The following ATAD3C variants were observed in gnomAD, a reference collection of about 807,000 sequenced individuals.
The protein encoded by ATAD3C is ATPase family AAA domain containing 3C.
ATAD3C carries 38 observed loss-of-function variants against 46.3 expected under a neutral mutation model. The observed-to-expected ratio is 0.82, with a 90% CI of 0.63 to 1.08. The LOEUF (loss-of-function observed/expected upper bound fraction) is 1.08, where lower values mean the gene tolerates loss of function less well. ATAD3C is among the 50% of genes least tolerant of loss of function. The probability of loss-of-function intolerance (pLI) is 0.00; values close to 1 mark genes in which losing one functional copy is unlikely to be tolerated. For missense variants in ATAD3C, 563 were observed against 572.7 expected (o/e 0.98, Z 0.17); for synonymous variants, 220 against 236.4 (o/e 0.93, Z 0.63).
intron 2 of ATAD3C, 62 bp from the exon 3 acceptor site, chr1:1,452,303 G>C: frequency 6.2e-7 from 1 of 1,611,932 alleles, no homozygotes; most frequent in South Asian, 1.1e-5. Flanking sequence ...CCCTCAACCT[G>C]TTCTTGCTAC....
chr1:1,469,444 T>C lies in ATAD3C; in HGVS notation c.*914T>C, dbSNP rs1639204716. 1 of 143,958 alleles carries C rather than the reference T, an allele frequency of 6.9e-6. No homozygotes were observed. Among genetic ancestry groups the C allele is most frequent in the South Asian group, 2.2e-4 (1 of 4,532 alleles). 8.9% of individuals were successfully genotyped at this position (143,958 alleles called of 1,614,324 possible). On this transcript the variant is annotated 3_prime_UTR_variant, in exon 12 of 12. Transcript: ENST00000378785. ...TCCAGCCTGGATGATAGAGTGAGAC[T>C]GTACCTCTAAATAACCAAAACCTTG...
In ATAD3C at chr1:1,462,548, G is replaced by T; in HGVS notation, c.981-52G>T. 1 of 1,507,264 alleles carries T rather than the reference G, an allele frequency of 6.6e-7. No homozygotes were observed. The highest frequency in any genetic ancestry group is 9.0e-7 in the Non-Finnish European group (1 of 1,105,090). 93.4% of individuals were successfully genotyped at this position (1,507,264 alleles called of 1,614,324 possible). ...CTGCCTGTCTTCCGGCCTCCACCTC[G>T]TGGTGTGGGAGCTGCTGCCTTGGCC... On this transcript the variant is annotated intron_variant, in intron 10 of 11. Transcript: ENST00000378785. The surrounding 1 kb of genome is among the most constrained non-coding windows in gnomAD (Gnocchi z 4.5).
Position 1,460,803 on chromosome 1 carries a change from A to G in ATAD3C, c.866A>G (p.Asn289Ser). 6.2e-7 allele frequency: 1 copy of G among 1,612,816 alleles called. No individual in the cohort carries two copies. Among genetic ancestry groups the G allele is most frequent in the South Asian group, 1.1e-5 (1 of 90,888 alleles). ...CCCGAGCAGTTCGACTGGGCCATCA[A>G]TGCCTGCATCGACGTGATGGTCCAC... ...CHPEQFDWAINACIDVMVHFD... is the reference protein window; with the variant it reads ...CHPEQFDWAISACIDVMVHFD... The change falls in exon 10 of 12, where the codon AAT becomes AGT. Residue 289 changes from asparagine to serine, a missense_variant. Coordinates refer to ENST00000378785, the MANE Select transcript of ATAD3C (RefSeq NM_001039211.3).
intron 5 of ATAD3C, 131 bp downstream of exon 5, chr1:1,455,650 G>T: frequency 6.4e-7 from 1 of 1,560,902 alleles, no homozygotes; most frequent in Non-Finnish European, 8.7e-7. Context: ...TGCTTGGACC[G>T]TGCCGGGGAT....
rs147278490 is a variant in ATAD3C, at chr1:1,458,571, C to T, written c.742-590C>T. ...CTAGGATTACAGGCGTGAGCCACCGCGCCAGGCCCCAGCTAACTTTTTTGT... is the reference window on the plus strand; with the variant it reads ...CTAGGATTACAGGCGTGAGCCACCGTGCCAGGCCCCAGCTAACTTTTTTGT... On this transcript the variant is annotated intron_variant, in intron 8 of 11. Transcript: ENST00000378785. Among the ~76,000 whole-genome samples, 292 of 151,952 alleles carry T rather than the reference C, an allele frequency of 1.9e-3. 5 individuals carry two copies. The highest frequency in any genetic ancestry group is 4.0e-4 in the Non-Finnish European group (27 of 67,908).
rs111356400 is a variant in ATAD3C, at chr1:1,462,302, A to G, written c.981-298A>G. 0.047 allele frequency among the ~76,000 whole-genome samples: 7,173 copies of G among 152,074 alleles called. 326 individuals carry two copies. The highest frequency in any genetic ancestry group is 0.08 in the Non-Finnish European group (5,416 of 67,932). ...GCCTCCAGGCAGAAGCTTTTTTGCT[A>G]GAACTCAGGGCTCTGCCACTGCCAG... On this transcript the variant is annotated intron_variant, in intron 10 of 11. Coordinates refer to ENST00000378785, the MANE Select transcript of ATAD3C (RefSeq NM_001039211.3). This position sits in a 1 kb window ranked among gnomAD's most constrained non-coding sequence, Gnocchi z 4.5.
At chr1:1,453,728 C>A (rs1638902845) in intron 3 of ATAD3C, among the ~76,000 whole-genome samples, 1 of 151,532 alleles carries the variant, frequency 6.6e-6, no homozygotes, top group Non-Finnish European at 1.5e-5. Flanking sequence ...CAACCTCCGA[C>A]TCGCGGGTTC....
Position 1,450,336 on chromosome 1 carries a change from AAAAAAG to A in ATAD3C, c.-347_-342del, listed in dbSNP as rs1390619431. On this transcript the variant is annotated 5_prime_UTR_variant, in exon 1 of 12. Transcript: ENST00000378785. Reference sequence around the variant, plus strand: ...AGACTCCGTCTCAAAAAAAAAAAAAAAAAAAGCATGTGTAACGTGAAAAAATGGACA... The same window carrying A: ...AGACTCCGTCTCAAAAAAAAAAAAAACATGTGTAACGTGAAAAAATGGACA... The A allele has an allele frequency of 9.7e-5, 23 of 237,114 alleles. No individual in the cohort carries two copies. The Admixed American group carries it at 1.1e-3, about 12-fold the overall frequency. 14.7% of individuals were successfully genotyped at this position (237,114 alleles called of 1,614,324 possible). A position where few individuals can be genotyped will look rare whatever the true frequency, so the allele number is the denominator to read the frequency against.
rs377159075 is a variant in ATAD3C, at chr1:1,455,785, C to T, written c.439-6C>T. ...GTGTCCTCCAAGCCCCTGTCTTCCTCGGCAGCCCAGCCTGGAAGCACGGGT... is the reference window on the plus strand; with the variant it reads ...GTGTCCTCCAAGCCCCTGTCTTCCTTGGCAGCCCAGCCTGGAAGCACGGGT... On this transcript the variant is annotated splice_polypyrimidine_tract_variant and splice_region_variant and intron_variant, in intron 5 of 11. Transcript: ENST00000378785. The T allele has an allele frequency of 2.0e-4, 317 of 1,613,182 alleles. 2 individuals carry two copies. The African/African-American group carries it at 2.1e-3, about 11-fold the overall frequency.
At chr1:1,452,553 G>A (rs1638881554) in intron 3 of ATAD3C, 119 bp downstream of exon 3, 21 of 1,523,810 alleles carry the variant, frequency 1.4e-5, no homozygotes, top group Non-Finnish European at 1.9e-5. Flanking sequence ...CTCCCAGCAT[G>A]GAACAAGCCC....
At chr1:1,466,932 G>A (rs1639154364) in intron 11 of ATAD3C, among the ~76,000 whole-genome samples, 2 of 152,018 alleles carry the variant, frequency 1.3e-5, no homozygotes, top group South Asian at 4.2e-4. Context: ...GAGTGGTACT[G>A]ATTCTTCTTA....
Position 1,450,458 on chromosome 1 carries a change from A to G in ATAD3C, c.-226A>G, listed in dbSNP as rs1003714397. 1 of 587,596 alleles carries G rather than the reference A, an allele frequency of 1.7e-6. No homozygotes were observed. Among genetic ancestry groups the G allele is most frequent in the Non-Finnish European group, 3.0e-6 (1 of 328,420 alleles). The allele number at this position is 587,596 out of a possible 1,614,324, so 36.4% of individuals were successfully genotyped here. On this transcript the variant is annotated 5_prime_UTR_variant, in exon 1 of 12. Coordinates refer to ENST00000378785, the MANE Select transcript of ATAD3C (RefSeq NM_001039211.3). ...CTTCCTGATGTGGCTCTCCAAGACC[A>G]TCCCTGGAGGGCATAAAACCTCACA... is the stretch of plus-strand genomic sequence containing the variant.
intron 11 of ATAD3C, among the ~76,000 whole-genome samples, chr1:1,463,416 G>T (rs1156239390): frequency 6.6e-6 from 1 of 152,140 alleles, no homozygotes; most frequent in Non-Finnish European, 1.5e-5. Context: ...AGCACATTAT[G>T]TGTGACAGCT....
chr1:1,458,189 C>G (rs1020553521), intron 8 of ATAD3C, among the ~76,000 whole-genome samples: 1 of 151,770 alleles, frequency 6.6e-6, no homozygotes, highest in Non-Finnish European at 1.5e-5. Context: ...CCATGTTGGT[C>G]AGGCTGGTTG....
chr1:1,456,822 C>T (rs1638968422), intron 7 of ATAD3C, among the ~76,000 whole-genome samples: 1 of 151,576 alleles, frequency 6.6e-6, no homozygotes, highest in African/African-American at 2.4e-5. Context: ...CTCGTTGGAA[C>T]CACGATGCTC....
chr1:1,468,790 C>T lies in ATAD3C; in HGVS notation c.*260C>T, dbSNP rs891722192. The T allele has an allele frequency of 2.0e-5, 12 of 610,574 alleles. No individual in the cohort carries two copies. Among genetic ancestry groups the T allele is most frequent in the Middle Eastern group, 9.9e-4 (2 of 2,018 alleles). 37.8% of individuals were successfully genotyped at this position (610,574 alleles called of 1,614,324 possible). ...TGGGCTTCACAGGAGGTGGCTGCCA[C>T]GGCGGGGCCGGGTGCCCGTGCCCCA... On this transcript the variant is annotated 3_prime_UTR_variant, in exon 12 of 12. Coordinates refer to ENST00000378785, the MANE Select transcript of ATAD3C (RefSeq NM_001039211.3).
rs1189300376 is a variant in ATAD3C, at chr1:1,455,716, C to T, written c.439-75C>T. The T allele has an allele frequency of 5.6e-6, 9 of 1,593,618 alleles. No individual in the cohort carries two copies. The Admixed American group carries it at 6.9e-5, about 12-fold the overall frequency. On this transcript the variant is annotated intron_variant, in intron 5 of 11. Transcript: ENST00000378785. ...CCGGAGAGCGGAGTCCACACCCAGG[C>T]ATTCTCGCAGCCCCTGCCCCCGAGG...
At position 1,469,954 on chromosome 1, in the gene ATAD3C, C is replaced by T. The variant is rs1352186009; in HGVS notation, c.*1424C>T. Reference sequence around the variant, plus strand: ...TCAATGTACTTTGCAATCTCCCCCACCCTTAAGAAGGTTCTTTGTCATTCT... The same window carrying T: ...TCAATGTACTTTGCAATCTCCCCCATCCTTAAGAAGGTTCTTTGTCATTCT... On this transcript the variant is annotated 3_prime_UTR_variant, in exon 12 of 12. Transcript: ENST00000378785. 2 of 151,878 alleles carry T rather than the reference C, an allele frequency of 1.3e-5. No homozygotes were observed. Among genetic ancestry groups the T allele is most frequent in the South Asian group, 2.1e-4 (1 of 4,806 alleles). The allele number at this position is 151,878 out of a possible 1,614,324, so 9.4% of individuals were successfully genotyped here.
rs571970338 is a variant in ATAD3C at position 1,463,612 on chromosome 1, A to G, written c.1089+904A>G. ...ACTTGGGACCAGGTCTGTTTCCACA[A>G]CTAAGAAAGCAGAGGCCGGGCATGG... On this transcript the variant is annotated intron_variant, in intron 11 of 11. Coordinates refer to ENST00000378785, the MANE Select transcript of ATAD3C (RefSeq NM_001039211.3). 7.9e-5 allele frequency among the ~76,000 whole-genome samples: 12 copies of G among 152,068 alleles called. 1 individual carries two copies. The South Asian group carries it at 2.5e-3, about 32-fold the overall frequency.
Sources: gnomAD v4.1 joint callset for allele counts (sites outside exome capture counted in the v4.1 genomes callset) on GRCh38, gnomAD v4.1.1 for gene constraint, Gnocchi (gnomAD v3.1) non-coding constraint, MANE v1.5 for transcripts, NCBI Gene and HGNC (gene_info 2026-07-23, HGNC 2026-07-21) for gene names.